HS1BP3: variants seen among roughly 807,000 people sequenced by gnomAD.
HS1BP3 encodes HCLS1-binding protein 3.
HS1BP3 carries 32 observed loss-of-function variants against 33.5 expected under a neutral mutation model. The ratio of observed to expected loss-of-function variants is 0.95; its 90% CI spans 0.72 to 1.28. HS1BP3 has a LOEUF of 1.28. HS1BP3 is among the 50% of genes most tolerant of loss of function. The probability of loss-of-function intolerance (pLI) is 0.00; values close to 1 mark genes in which losing one functional copy is unlikely to be tolerated. For missense variants in HS1BP3, 486 were observed against 502.3 expected (o/e 0.97, Z 0.31); for synonymous variants, 187 against 209.2 (o/e 0.89, Z 0.92).
intron 5 of HS1BP3, among the ~76,000 whole-genome samples, chr2:20,587,392 A>T (rs926217930): frequency 6.6e-6 from 1 of 152,186 alleles, no homozygotes; most frequent in African/African-American, 2.4e-5. Context: ...TGTGGCAGGG[A>T]GAGCAAGACC....
At position 20,606,683 on chromosome 2, in the gene HS1BP3, C is replaced by T; in HGVS notation, c.179-8418G>A. The T allele has an allele frequency of 1.9e-5, 6 of 310,818 alleles. No homozygotes were observed. The South Asian group carries it at 2.2e-4, about 11-fold the overall frequency. The allele number at this position is 310,818 out of a possible 1,614,324, so 19.3% of individuals were successfully genotyped here. On this transcript the variant is annotated intron_variant, in intron 2 of 3. Transcript: ENST00000415264. ...AAAGCTCAGAGAGCAGCGGTGAACGCTACAGCCTCGCTAAGATGTCAGACA... is the reference window on the plus strand; with the variant it reads ...AAAGCTCAGAGAGCAGCGGTGAACGTTACAGCCTCGCTAAGATGTCAGACA...
intron 5 of HS1BP3, among the ~76,000 whole-genome samples, chr2:20,585,041 C>A (rs916927760): frequency 6.6e-6 from 1 of 152,234 alleles, no homozygotes; most frequent in African/African-American, 2.4e-5. Context: ...GGGAAAGGTA[C>A]TTGCTCCCTC....
At position 20,619,096 on chromosome 2, in the gene HS1BP3, G is replaced by A; in HGVS notation, c.1070C>T (p.Ala357Val). 1.2e-6 allele frequency: 2 copies of A among 1,614,162 alleles called. No individual in the cohort carries two copies. The highest frequency in any genetic ancestry group is 1.7e-6 in the Non-Finnish European group (2 of 1,180,014). Reference protein sequence around the residue: ...PPKAGPAEAVAGQQKPQEQIQ... With the variant: ...PPKAGPAEAVVGQQKPQEQIQ... ...CTGCTCCTGCGGCTTCTGCTGCCCA[G>A]CCACAGCTTCAGCCGGGCCCGCTTT... The change falls in exon 7 of 7, where the codon GCT becomes GTT. Residue 357 changes from alanine to valine, a missense_variant. Coordinates refer to ENST00000304031, the MANE Select transcript of HS1BP3 (RefSeq NM_022460.4).
chr2:20,583,077 C>CCT (rs374550370), intron 5 of HS1BP3, among the ~76,000 whole-genome samples: 72 of 152,346 alleles, frequency 4.7e-4, no homozygotes, highest in African/African-American at 1.7e-3. Flanking sequence ...CCACCCCCAG[C>CCT]CTCTGCTCAG....
At chr2:20,580,406 C>T (rs1414637704) in intron 5 of HS1BP3, among the ~76,000 whole-genome samples, 1 of 152,048 alleles carries the variant, frequency 6.6e-6, no homozygotes, top group Non-Finnish European at 1.5e-5. Context: ...GTAATCCCAG[C>T]TATTCAGGAG....
At chr2:20,620,441 G>A (rs1694561171) in intron 6 of HS1BP3, among the ~76,000 whole-genome samples, 1 of 152,188 alleles carries the variant, frequency 6.6e-6, no homozygotes, top group South Asian at 2.1e-4. Flanking sequence ...TACGTCTATC[G>A]CTCAGCCATG....
intron 5 of HS1BP3, among the ~76,000 whole-genome samples, chr2:20,580,192 T>G (rs1207908412): frequency 6.6e-6 from 1 of 152,240 alleles, no homozygotes; most frequent in Non-Finnish European, 1.5e-5. Context: ...GGCCTGCCCC[T>G]GGGTTTCAAA....
At chr2:20,555,372 G>A in the HS1BP3 span, among the ~76,000 whole-genome samples, 3 of 152,208 alleles carry the variant, frequency 2.0e-5, no homozygotes, top group Non-Finnish European at 4.4e-5. Flanking sequence ...TGGGGTCCTT[G>A]TTCAGAAATG....
At chr2:20,627,918 G>A (rs1433401794) in intron 4 of HS1BP3, among the ~76,000 whole-genome samples, 1 of 152,198 alleles carries the variant, frequency 6.6e-6, no homozygotes, top group Non-Finnish European at 1.5e-5. Flanking sequence ...ATGGATGGAG[G>A]GGAGGAGGGA....
rs746975491 is a variant in HS1BP3 at position 20,645,528 on chromosome 2, G to T, written c.33-23C>A. ...CGCCTGCCAGGGGAAAAGAAGGCAG[G>T]TGGGGTTCAGGGTCAAGGCAGTAGG... is the stretch of plus-strand genomic sequence containing the variant. On this transcript the variant is annotated intron_variant, in intron 1 of 6. Coordinates refer to ENST00000304031, the MANE Select transcript of HS1BP3 (RefSeq NM_022460.4). 9 of 1,601,794 alleles carry T rather than the reference G, an allele frequency of 5.6e-6. No homozygotes were observed. The Middle Eastern group carries it at 8.5e-4, about 151-fold the overall frequency.
At chr2:20,576,025 C>T (rs1693391734) in intron 5 of HS1BP3, among the ~76,000 whole-genome samples, 1 of 152,148 alleles carries the variant, frequency 6.6e-6, no homozygotes, top group Non-Finnish European at 1.5e-5. Flanking sequence ...GGGTCTTGTT[C>T]TCTCCCAGGC....
At chr2:20,598,619 C>T (rs1406929631) in intron 2 of HS1BP3, among the ~76,000 whole-genome samples, 2 of 129,012 alleles carry the variant, frequency 1.6e-5, no homozygotes, top group Non-Finnish European at 3.1e-5. Flanking sequence ...AGTGCAGTGG[C>T]GGGATCTCGG....
Position 20,624,872 on chromosome 2 carries a change from T to A in HS1BP3, c.644A>T (p.His215Leu). The A allele has an allele frequency of 6.2e-7, 1 of 1,613,632 alleles. No individual in the cohort carries two copies. Among genetic ancestry groups the A allele is most frequent in the South Asian group, 1.1e-5 (1 of 91,070 alleles). Reference sequence around the variant, plus strand: ...CTTGGCTTTCACGGCCACTTTGGGATGTTTCTTGGGCTTCTTGGAGCTGGA... The same window carrying A: ...CTTGGCTTTCACGGCCACTTTGGGAAGTTTCTTGGGCTTCTTGGAGCTGGA... ...GIMRSKKPKK[H>L]PKVAVKAKPS... is the part of the protein sequence containing the mutation. The change falls in exon 5 of 7, where the codon CAT becomes CTT. Residue 215 changes from histidine to leucine, a missense_variant. Physicochemically the swap from His to Leu is moderately conservative, Grantham distance 99. Transcript: ENST00000304031.
Position 20,630,516 on chromosome 2 carries a change from G to A in HS1BP3, c.624-5624C>T, listed in dbSNP as rs187846071. Among the ~76,000 whole-genome samples, 619 of 152,272 alleles carry A rather than the reference G, an allele frequency of 4.1e-3. 2 individuals carry two copies. The highest frequency in any genetic ancestry group is 6.4e-3 in the Non-Finnish European group (436 of 68,020). On this transcript the variant is annotated intron_variant, in intron 4 of 6. Transcript: ENST00000304031. Reference sequence around the variant, plus strand: ...GCTCCTGGGCTCAAGTGGTCTTCCCGCCTTGACCTCTCAAAGTCCTGGGAT... The same window carrying A: ...GCTCCTGGGCTCAAGTGGTCTTCCCACCTTGACCTCTCAAAGTCCTGGGAT...
chr2:20,634,918 C>T (rs2149298051), intron 4 of HS1BP3: 1 of 152,318 alleles, frequency 6.6e-6, no homozygotes, highest in Non-Finnish European at 1.5e-5. Context: ...ACCAGCTTTG[C>T]AGGCAGGTGC....
intron 4 of HS1BP3, chr2:20,635,990 C>A (rs953677777): frequency 6.6e-6 from 1 of 152,268 alleles, no homozygotes; most frequent in Non-Finnish European, 1.5e-5. Context: ...AGCAGCAGCG[C>A]CTCGCCGCGG....
At chr2:20,627,785 T>C (rs1468633678) in intron 4 of HS1BP3, among the ~76,000 whole-genome samples, 1 of 152,088 alleles carries the variant, frequency 6.6e-6, no homozygotes, top group East Asian at 1.9e-4. Context: ...AATATGGAGT[T>C]TTGGTGCCTA....
At chr2:20,607,026 T>G (rs1350645493) in intron 2 of HS1BP3, among the ~76,000 whole-genome samples, 1 of 152,128 alleles carries the variant, frequency 6.6e-6, no homozygotes, top group Non-Finnish European at 1.5e-5. Flanking sequence ...TAATAATCCA[T>G]GGCCAAATCT....
At chr2:20,609,465 G>C (rs1176616563) in intron 2 of HS1BP3, among the ~76,000 whole-genome samples, 1 of 152,058 alleles carries the variant, frequency 6.6e-6, no homozygotes, top group African/African-American at 2.4e-5. Flanking sequence ...AGCTCTTGGA[G>C]CCTTCTCTAG....
Sources: allele counts gnomAD v4.1 joint callset (sites outside exome capture counted in the v4.1 genomes callset), GRCh38; gene constraint gnomAD v4.1.1; transcripts MANE v1.5; gene names NCBI Gene and HGNC (gene_info 2026-07-23, HGNC 2026-07-21).